BDP1: variants seen among roughly 807,000 people sequenced by gnomAD.
BDP1 encodes the protein BDP1 general transcription factor IIIB subunit.
A neutral mutation model predicts 266.6 loss-of-function variants in BDP1; 169 were observed. The ratio of observed to expected loss-of-function variants is 0.63; its 90% CI spans 0.56 to 0.72. BDP1 has a LOEUF of 0.72. Among genes scored for constraint, BDP1 ranks in the 30% least tolerant of loss-of-function variants. BDP1 has a pLI of 0.00. For missense variants in BDP1, 3,015 were observed against 3,053.8 expected (o/e 0.99, Z 0.30); for synonymous variants, 1,090 against 1,022.4 (o/e 1.07, Z -1.26).
rs142878297 is a variant in BDP1 at position 71,501,429 on chromosome 5, C to T, written c.1957-133C>T. The stretch of plus-strand genomic sequence containing the variant: ...GCTCAGGCAATCCGCCTGCCTTGGC[C>T]TCCCAAAGTGCTAGGATTACAGGCT... On this transcript the variant is annotated intron_variant, in intron 13 of 38. Coordinates refer to ENST00000358731, the MANE Select transcript of BDP1 (RefSeq NM_018429.3). 696 of 586,112 alleles carry T rather than the reference C, an allele frequency of 1.2e-3. 6 individuals carry two copies. Among genetic ancestry groups the T allele is most frequent in the African/African-American group, 0.012 (617 of 51,992 alleles). 36.3% of individuals were successfully genotyped at this position (586,112 alleles called of 1,614,324 possible).
intron 30 of BDP1, among the ~76,000 whole-genome samples, chr5:71,542,556 C>A (rs1259295878): frequency 6.6e-6 from 1 of 152,102 alleles, no homozygotes; most frequent in Non-Finnish European, 1.5e-5. Context: ...ACTAGGGGCA[C>A]TGACCTCCCC....
At chr5:71,539,495 T>A in intron 27 of BDP1, 62 bp from the exon 28 acceptor site, 2 of 1,363,722 alleles carry the variant, frequency 1.5e-6, no homozygotes, top group South Asian at 1.2e-5. Flanking sequence ...TAAAAATCTT[T>A]TTTAAGTGAA....
chr5:71,463,576 T>C (rs1191883839), intron 3 of BDP1, among the ~76,000 whole-genome samples: 1 of 151,928 alleles, frequency 6.6e-6, no homozygotes, highest in Non-Finnish European at 1.5e-5. Context: ...AATCTCAGTG[T>C]TTTGGGAAGC....
intron 11 of BDP1, among the ~76,000 whole-genome samples, chr5:71,492,180 G>A (rs981146734): frequency 6.6e-6 from 1 of 152,130 alleles, no homozygotes; most frequent in Non-Finnish European, 1.5e-5. Flanking sequence ...GGTTGTTTTT[G>A]TCTGTTGGCA....
chr5:71,573,611 T>C, the BDP1 span, among the ~76,000 whole-genome samples: 1 of 152,234 alleles, frequency 6.6e-6, no homozygotes, highest in Non-Finnish European at 1.5e-5. Flanking sequence ...ACAATTGGCG[T>C]GAACTTGCTT....
At chr5:71,560,690 A>G (rs181281421) in intron 37 of BDP1, among the ~76,000 whole-genome samples, 3 of 152,302 alleles carry the variant, frequency 2.0e-5, no homozygotes, top group Admixed American at 1.3e-4. Flanking sequence ...AGCAAGAGCC[A>G]ACTTCTCTCA....
At position 71,522,283 on chromosome 5, in the gene BDP1, T is replaced by A. The variant is rs1173082846; in HGVS notation, c.4992-6T>A. 26 of 1,609,842 alleles carry A rather than the reference T, an allele frequency of 1.6e-5. No homozygotes were observed. The highest frequency in any genetic ancestry group is 2.0e-5 in the Non-Finnish European group (24 of 1,177,860). On this transcript the variant is annotated splice_polypyrimidine_tract_variant and splice_region_variant and intron_variant, in intron 22 of 38. Coordinates refer to ENST00000358731, the MANE Select transcript of BDP1 (RefSeq NM_018429.3). ...GTTCTTCAACATGATTCATACTTCA[T>A]TCTAGACATGAAAATAAACCGTATG...
chr5:71,506,818 CACACA>C (rs1561721957), intron 16 of BDP1, among the ~76,000 whole-genome samples: 16 of 140,464 alleles, frequency 1.1e-4, no homozygotes, highest in East Asian at 8.6e-4. Flanking sequence ...CACACACACA[CACACA>C]CCCATATTTT....
At chr5:71,485,596 TA>T (rs1763218086) in intron 8 of BDP1, among the ~76,000 whole-genome samples, 1 of 152,162 alleles carries the variant, frequency 6.6e-6, no homozygotes, top group African/African-American at 2.4e-5. Flanking sequence ...GTCTTTGGCT[TA>T]TGTGCATAGA....
Position 71,522,707 on chromosome 5 carries a change from T to C in BDP1, c.5194-49T>C, listed in dbSNP as rs778120066. On this transcript the variant is annotated intron_variant, in intron 23 of 38. Coordinates refer to ENST00000358731, the MANE Select transcript of BDP1 (RefSeq NM_018429.3). ...GCCAAACTACCAAACCAAATTAACA[T>C]AGAGATTGTTTCTGTAGTAATACTA... is the stretch of plus-strand genomic sequence containing the variant. 3.3e-6 allele frequency: 5 copies of C among 1,512,656 alleles called. No homozygotes were observed. The Admixed American group carries it at 1.1e-4, about 33-fold the overall frequency. The allele number at this position is 1,512,656 out of a possible 1,614,324, so 93.7% of individuals were successfully genotyped here.
Position 71,510,854 on chromosome 5 carries a change from GA to G in BDP1, c.3765del (p.Glu1256LysfsTer27). 7 of 1,613,278 alleles carry G rather than the reference GA, an allele frequency of 4.3e-6. No individual in the cohort carries two copies. Among genetic ancestry groups the G allele is most frequent in the Non-Finnish European group, 5.9e-6 (7 of 1,179,632 alleles). On this transcript the variant is annotated frameshift_variant, in exon 17 of 39. Transcript: ENST00000358731. LOFTEE classifies it high-confidence loss of function. ...CTATAAGGGAAAAGGAGATTGATTT[GA>G]AAGAAACTGGAAAAAGAGACATTCC... ...SAIREKEIDL[K>X]ETGKRDIPIM...
chr5:71,500,547 G>T (rs1175769449), intron 13 of BDP1, among the ~76,000 whole-genome samples: 1 of 151,550 alleles, frequency 6.6e-6, no homozygotes, highest in Non-Finnish European at 1.5e-5. Flanking sequence ...GGCTGCTCTC[G>T]AACTTCTGAC....
Position 71,510,237 on chromosome 5 carries a change from A to G in BDP1, c.3145A>G (p.Asn1049Asp). The G allele has an allele frequency of 1.2e-6, 2 of 1,613,768 alleles. No individual in the cohort carries two copies. The highest frequency in any genetic ancestry group is 2.2e-5 in the South Asian group (2 of 91,062). Residue 1049 changes from asparagine to aspartate, a missense_variant, in exon 17 of 39, where the codon AAT becomes GAT. By Grantham distance (23) the Asn-to-Asp change is conservative (BLOSUM62 1). Transcript: ENST00000358731. Reference protein sequence around the residue: ...ETEREVSPQENGLEEVKPLGE... With the variant: ...ETEREVSPQEDGLEEVKPLGE... ...TGAAAGAGAAGTATCCCCACAGGAA[A>G]ATGGACTAGAGGAGGTCAAGCCTCT...
downstream of BDP1, among the ~76,000 whole-genome samples, chr5:71,572,155 C>T (rs1561804733): frequency 6.6e-6 from 1 of 152,116 alleles, no homozygotes; most frequent in Non-Finnish European, 1.5e-5. Flanking sequence ...ACCTCTTCTT[C>T]CACACCCCTT....
intron 3 of BDP1, among the ~76,000 whole-genome samples, chr5:71,462,730 A>G (rs1348445789): frequency 6.6e-6 from 1 of 152,060 alleles, no homozygotes; most frequent in Non-Finnish European, 1.5e-5. Flanking sequence ...TTCTGGGTGC[A>G]CTCAGGGTGA....
At chr5:71,503,543 A>T (rs775548782) in intron 15 of BDP1, among the ~76,000 whole-genome samples, 2 of 152,242 alleles carry the variant, frequency 1.3e-5, no homozygotes, top group Non-Finnish European at 2.9e-5. Context: ...CTTAAACAGC[A>T]TAAAGTGTTA....
In BDP1 at chr5:71,545,337, C is replaced by A. The variant is rs142464621; in HGVS notation, c.6744+118C>A. On this transcript the variant is annotated intron_variant, in intron 32 of 38. Transcript: ENST00000358731. The stretch of plus-strand genomic sequence containing the variant: ...CTTTTATCTTCATTTTTCTTTATTT[C>A]TTCTTTTTTTTTTGGAGACAGTCTT... The A allele has an allele frequency of 1.3e-3, 1,320 of 1,024,548 alleles. 16 individuals carry two copies. The African/African-American group carries it at 0.019, about 15-fold the overall frequency. 63.5% of individuals were successfully genotyped at this position (1,024,548 alleles called of 1,614,324 possible).
At position 71,516,116 on chromosome 5, in the gene BDP1, G is replaced by A. The variant is rs1436126192; in HGVS notation, c.4705G>A (p.Ala1569Thr). 1 of 1,612,122 alleles carries A rather than the reference G, an allele frequency of 6.2e-7. No individual in the cohort carries two copies. Among genetic ancestry groups the A allele is most frequent in the Non-Finnish European group, 8.5e-7 (1 of 1,178,976 alleles). Residue 1569 changes from alanine (A) to threonine (T), a missense_variant, in exon 21 of 39, where the codon GCT becomes ACT. Coordinates refer to ENST00000358731, the MANE Select transcript of BDP1 (RefSeq NM_018429.3). ...AATGAAGGAAAGTGTTATCCAAACT[G>A]CTCGACAAGTAAGGGGCCGACTTCA... Reference protein sequence around the residue: ...QEMKESVIQTARQVRGRLQRP... With the variant: ...QEMKESVIQTTRQVRGRLQRP...
rs1764912617 is a variant in BDP1, at chr5:71,511,390, GA to G, written c.4059+241del. ...CCCAACACTTTGGGAGGCCAAGGTGGAAGGATTACTTGAGCCCAGGAGTTTG... is the reference window on the plus strand; with the variant it reads ...CCCAACACTTTGGGAGGCCAAGGTGGAGGATTACTTGAGCCCAGGAGTTTG... On this transcript the variant is annotated intron_variant, in intron 17 of 38. Transcript: ENST00000358731. The G allele has an allele frequency of 1.4e-5, 6 of 440,594 alleles. No individual in the cohort carries two copies. In the East Asian group the frequency reaches 2.2e-4, roughly 17 times the overall value. The allele number at this position is 440,594 out of a possible 1,614,324, so 27.3% of individuals were successfully genotyped here. A position where few individuals can be genotyped will look rare whatever the true frequency, so the allele number is the denominator to read the frequency against.
Sources: allele counts gnomAD v4.1 joint callset (sites outside exome capture counted in the v4.1 genomes callset), GRCh38; gene constraint gnomAD v4.1.1; transcripts MANE v1.5; gene names NCBI Gene and HGNC (gene_info 2026-07-23, HGNC 2026-07-21).